TUBE1: variants seen among roughly 807,000 people sequenced by gnomAD.
TUBE1 encodes the protein tubulin epsilon chain.
A neutral mutation model predicts 53.5 loss-of-function variants in TUBE1; 34 were observed. That is an observed-to-expected ratio of 0.64 (90% confidence interval 0.48 to 0.85). TUBE1 has a LOEUF of 0.85. TUBE1 is among the 40% of genes least tolerant of loss of function. The pLI is 0.00. For synonymous variants in TUBE1, 177 were observed against 198.4 expected (o/e 0.89, Z 0.91); for missense variants, 532 against 570.5 (o/e 0.93, Z 0.69).
At chr6:112,073,243 C>A (rs1353987673) in intron 9 of TUBE1, among the ~76,000 whole-genome samples, 2 of 151,936 alleles carry the variant, frequency 1.3e-5, no homozygotes, top group African/African-American at 4.8e-5. Flanking sequence ...GTTCGGTATA[C>A]CTTATTTATT....
Position 112,074,751 on chromosome 6 carries a change from T to C in TUBE1, c.912A>G (p.Thr304=). The change falls in exon 9 of 12, where the codon ACA becomes ACG. Residue 304 remains threonine (T), a synonymous_variant. Transcript: ENST00000368662. ...PQLHYLVSSL[T]PLYTLTDVNI... ...TAACATCTGTCAGTGTATACAGAGG[T>C]GTTAGGCTTGACACGAGATAATGAA... 6.2e-7 allele frequency: 1 copy of C among 1,606,964 alleles called. No individual in the cohort carries two copies. Among genetic ancestry groups the C allele is most frequent in the South Asian group, 1.1e-5 (1 of 89,730 alleles).
intron 5 of TUBE1, 51 bp downstream of exon 5, chr6:112,081,041 A>G (rs782707962): frequency 1.7e-6 from 2 of 1,154,526 alleles, no homozygotes; most frequent in East Asian, 2.4e-5. Flanking sequence ...ATGAAGAAAG[A>G]TTGCTCATTT....
At position 112,083,924 on chromosome 6, in the gene TUBE1, T is replaced by C. The variant is rs115997872; in HGVS notation, c.210+265A>G. On this transcript the variant is annotated intron_variant, in intron 4 of 11. Coordinates refer to ENST00000368662, the MANE Select transcript of TUBE1 (RefSeq NM_016262.5). ...TGTACTAGTACGTATTTCAGGTCCT[T>C]AGAGTTAAGAATGCTCCTTTTGTTA... 342 of 400,678 alleles carry C rather than the reference T, an allele frequency of 8.5e-4. 1 individual carries two copies. The highest frequency in any genetic ancestry group is 6.7e-3 in the African/African-American group (324 of 48,600). The allele number at this position is 400,678 out of a possible 1,614,324, so 24.8% of individuals were successfully genotyped here.
At chr6:112,075,064 C>CTTTTTTTTTTTTTTT (rs781833721) in intron 8 of TUBE1, 1 of 164,854 alleles carries the variant, frequency 6.1e-6, no homozygotes, top group Non-Finnish European at 1.1e-5. Context: ...TTTTTTTTTT[C>CTTTTTTTTTTTTTTT]TTTCTTTTTT....
At chr6:112,072,997 AAAT>A (rs1393323915) in intron 9 of TUBE1, 99 bp from the exon 10 acceptor site, 7 of 996,002 alleles carry the variant, frequency 7.0e-6, no homozygotes, top group Non-Finnish European at 1.0e-5. Context: ...AAACCACACT[AAAT>A]ATTACACTAA....
chr6:112,084,056 A>G (rs1255358788), intron 4 of TUBE1, 133 bp downstream of exon 4: 14 of 695,366 alleles, frequency 2.0e-5, no homozygotes, highest in Non-Finnish European at 2.7e-5. Context: ...CTGCTTAGTT[A>G]TATTTATATT....
intron 5 of TUBE1, among the ~76,000 whole-genome samples, chr6:112,080,506 G>A (rs587733409): frequency 3.9e-5 from 6 of 152,054 alleles, no homozygotes; most frequent in South Asian, 2.1e-4. Context: ...ATATTATTCC[G>A]CATTATGAAC....
At chr6:112,079,075 G>C (rs941106692) in intron 6 of TUBE1, among the ~76,000 whole-genome samples, 1 of 151,982 alleles carries the variant, frequency 6.6e-6, no homozygotes, top group Non-Finnish European at 1.5e-5. Flanking sequence ...AGAAAGCAAT[G>C]CCAATCATTT....
In TUBE1 at chr6:112,074,635, C is replaced by G. The variant is rs587671104; in HGVS notation, c.953+75G>C. 7 of 1,203,456 alleles carry G rather than the reference C, an allele frequency of 5.8e-6. No homozygotes were observed. In the African/African-American group the frequency reaches 1.1e-4, roughly 19 times the overall value. The allele number at this position is 1,203,456 out of a possible 1,614,324, so 74.5% of individuals were successfully genotyped here. A position where few individuals can be genotyped will look rare whatever the true frequency, so the allele number is the denominator to read the frequency against. On this transcript the variant is annotated intron_variant, in intron 9 of 11. Transcript: ENST00000368662. ...TACAATTAAATAACTAGAGTTATTG[C>G]AAACTTTTTTCTCTTAAAAATGTTT...
chr6:112,083,609 C>T (rs1465640369), intron 4 of TUBE1, among the ~76,000 whole-genome samples: 2 of 152,250 alleles, frequency 1.3e-5, no homozygotes, highest in African/African-American at 2.4e-5. Flanking sequence ...TGAGCCACCG[C>T]GCCCAGCACC....
In TUBE1 at chr6:112,087,456, G is replaced by A. The variant is rs182369129; in HGVS notation, c.-22C>T. 1,324 of 1,549,368 alleles carry A rather than the reference G, an allele frequency of 8.5e-4. 16 individuals carry two copies. The African/African-American group carries it at 0.016, about 19-fold the overall frequency. ...TCATGGTGGTGCGCCGCCGGCTCCGGGAGCTTGCTAGCCCGCGGCCGCTTC... is the reference window on the plus strand; with the variant it reads ...TCATGGTGGTGCGCCGCCGGCTCCGAGAGCTTGCTAGCCCGCGGCCGCTTC... On this transcript the variant is annotated 5_prime_UTR_variant, in exon 1 of 12. Coordinates refer to ENST00000368662, the MANE Select transcript of TUBE1 (RefSeq NM_016262.5).
chr6:112,071,382 A>T lies in TUBE1; in HGVS notation c.*30T>A. 1.4e-6 allele frequency: 2 copies of T among 1,450,652 alleles called. No individual in the cohort carries two copies. The highest frequency in any genetic ancestry group is 1.8e-6 in the Non-Finnish European group (2 of 1,086,624). 89.9% of individuals were successfully genotyped at this position (1,450,652 alleles called of 1,614,324 possible). On this transcript the variant is annotated 3_prime_UTR_variant, in exon 12 of 12. Coordinates refer to ENST00000368662, the MANE Select transcript of TUBE1 (RefSeq NM_016262.5). The stretch of plus-strand genomic sequence containing the variant: ...GAAAGGTCAGAAAAAACAATGTGAA[A>T]TTAAGAAAGTATTTTTGAGGGTTTC...
At chr6:112,072,626 CTAAG>C (rs1432464205) in intron 10 of TUBE1, 128 bp downstream of exon 10, 2 of 815,934 alleles carry the variant, frequency 2.5e-6, no homozygotes, top group African/African-American at 1.7e-5. Context: ...CACAAAGAGA[CTAAG>C]TAGTTTGTTC....
chr6:112,071,756 T>C (rs1405468285), intron 11 of TUBE1, 146 bp downstream of exon 11: 8 of 943,538 alleles, frequency 8.5e-6, no homozygotes, highest in Non-Finnish European at 1.1e-5. Flanking sequence ...AAAAGTAGCA[T>C]GAGTAAGCCT....
intron 4 of TUBE1, 161 bp downstream of exon 4, chr6:112,084,028 T>G: frequency 1.6e-6 from 1 of 623,288 alleles, no homozygotes; most frequent in Non-Finnish European, 2.9e-6. Context: ...CCCTAATGTG[T>G]TAGGTGGACA....
At chr6:112,079,311 C>T (rs1777026439) in intron 6 of TUBE1, 1 of 183,490 alleles carries the variant, frequency 5.4e-6, no homozygotes, top group African/African-American at 2.4e-5. Flanking sequence ...CAGCATTTCT[C>T]AAAAGCTCAT....
In TUBE1 at chr6:112,071,419, G is replaced by C; in HGVS notation, c.1421C>G (p.Ala474Gly). 5.7e-6 allele frequency: 9 copies of C among 1,571,110 alleles called. No individual in the cohort carries two copies. The highest frequency in any genetic ancestry group is 6.1e-6 in the Non-Finnish European group (7 of 1,153,534). Residue 474 changes from alanine (A) to glycine (G), a missense_variant, in exon 12 of 12, where the codon GCT (alanine) becomes GGT (glycine). By Grantham distance (60) the Ala-to-Gly change is moderately conservative (BLOSUM62 0). Coordinates refer to ENST00000368662, the MANE Select transcript of TUBE1 (RefSeq NM_016262.5). The stretch of plus-strand genomic sequence containing the variant: ...TTTTTGAGGGTTTCTTTTTCACATA[G>C]CTATGCTTAGTCTGGGTAAATCCTG... The part of the protein sequence containing the change: ...PVQDLPRLSI[A>G]M
At position 112,071,917 on chromosome 6, in the gene TUBE1, C is replaced by G; in HGVS notation, c.1254G>C (p.Arg418Ser). ...TFMELKERFM[R>S]LYKKKAHLHH... Reference sequence around the variant, plus strand: ...CAATAATTACCTTTTTCTTGTAGAGCCTCATGAATCTCTCTTTCAGTTCCA... The same window carrying G: ...CAATAATTACCTTTTTCTTGTAGAGGCTCATGAATCTCTCTTTCAGTTCCA... Residue 418 changes from arginine to serine, a missense_variant, in exon 11 of 12, where the codon AGG becomes AGC. Physicochemically the swap from Arg to Ser is moderately radical, Grantham distance 110. Transcript: ENST00000368662. 1 of 1,601,306 alleles carries G rather than the reference C, an allele frequency of 6.2e-7. No homozygotes were observed. The highest frequency in any genetic ancestry group is 1.3e-5 in the African/African-American group (1 of 74,178).
chr6:112,077,253 C>T (rs1554316204), intron 6 of TUBE1: 1 of 152,124 alleles, frequency 6.6e-6, no homozygotes, highest in African/African-American at 2.4e-5. Flanking sequence ...TTAAGCATGC[C>T]TACCTCGAAT....
Sources: gnomAD v4.1 joint callset for allele counts (sites outside exome capture counted in the v4.1 genomes callset) on GRCh38, gnomAD v4.1.1 for gene constraint, MANE v1.5 for transcripts, NCBI Gene and HGNC (gene_info 2026-07-23, HGNC 2026-07-21) for gene names.